The following RNF217 variants were observed in gnomAD, a reference collection of about 807,000 sequenced individuals.
RNF217 encodes the protein E3 ubiquitin-protein ligase RNF217.
RNF217 carries 31 observed loss-of-function variants against 57.8 expected under a neutral mutation model. The ratio of observed to expected loss-of-function variants is 0.54; its 90% confidence interval spans 0.40 to 0.72. The LOEUF is 0.72. Ranked by LOEUF, RNF217 falls within the 30% of genes least tolerant of loss-of-function variation. The pLI is 0.00. For synonymous variants in RNF217, 313 were observed against 294.0 expected (o/e 1.06, Z -0.66); for missense variants, 696 against 708.3 (o/e 0.98, Z 0.20).
At position 125,090,829 on chromosome 6, in the gene RNF217, A is replaced by G. The variant is rs1409004340; in HGVS notation, c.*7892A>G. On this transcript the variant is annotated 3_prime_UTR_variant, in exon 6 of 6. Coordinates refer to ENST00000521654, the MANE Select transcript of RNF217 (RefSeq NM_001286398.3). Reference sequence around the variant, plus strand: ...AATGATATTGGAAAATATTTATGCAATTTTATTTTTTAACCTTTTCTCCAT... The same window carrying G: ...AATGATATTGGAAAATATTTATGCAGTTTTATTTTTTAACCTTTTCTCCAT... The G allele has an allele frequency of 1.3e-5, 2 of 151,936 alleles. No homozygotes were observed. Among genetic ancestry groups the G allele is most frequent in the East Asian group, 1.9e-4 (1 of 5,192 alleles). The allele number at this position is 151,936 out of a possible 1,614,324, so 9.4% of individuals were successfully genotyped here. A position where few individuals can be genotyped will look rare whatever the true frequency, so the allele number is the denominator to read the frequency against.
At chr6:125,070,320 G>A (rs913862560) in intron 3 of RNF217, among the ~76,000 whole-genome samples, 3 of 152,046 alleles carry the variant, frequency 2.0e-5, no homozygotes, top group African/African-American at 4.8e-5. Flanking sequence ...AAACATGTGC[G>A]TGCACATGTA....
intron 5 of RNF217, chr6:125,082,570 A>T: frequency 6.2e-7 from 1 of 1,609,636 alleles, no homozygotes; most frequent in Non-Finnish European, 8.5e-7. Flanking sequence ...AAGTGTGAGT[A>T]TCATAGTGTG....
At chr6:125,032,757 T>TA (rs1374311955) in intron 1 of RNF217, among the ~76,000 whole-genome samples, 7 of 152,130 alleles carry the variant, frequency 4.6e-5, no homozygotes, top group Admixed American at 4.6e-4. Flanking sequence ...ATTAAAAATT[T>TA]AAAAATTTGC....
At chr6:125,075,630 C>A (rs1417912012) in intron 3 of RNF217, among the ~76,000 whole-genome samples, 2 of 152,090 alleles carry the variant, frequency 1.3e-5, no homozygotes, top group African/African-American at 4.8e-5. Flanking sequence ...GGGATTGTTA[C>A]AATTCAAGGT....
intron 1 of RNF217, among the ~76,000 whole-genome samples, chr6:124,979,052 G>T (rs1479252306): frequency 1.3e-5 from 2 of 152,124 alleles, no homozygotes; most frequent in African/African-American, 4.8e-5. Context: ...TAGAGAGAGA[G>T]AGTGTAAGAT....
chr6:124,973,585 A>C (rs2114995420), intron 1 of RNF217, among the ~76,000 whole-genome samples: 1 of 152,352 alleles, frequency 6.6e-6, no homozygotes, highest in Non-Finnish European at 1.5e-5. Context: ...TGCTATAAAA[A>C]GTAAGGTAAC....
chr6:125,058,167 T>C, intron 3 of RNF217, 61 bp downstream of exon 3: 2 of 1,399,660 alleles, frequency 1.4e-6, no homozygotes, highest in South Asian at 3.1e-5. Flanking sequence ...CTGAACAATA[T>C]TTACATTATT....
chr6:125,061,159 T>G (rs1787718282), intron 3 of RNF217, among the ~76,000 whole-genome samples: 1 of 152,080 alleles, frequency 6.6e-6, no homozygotes, highest in African/African-American at 2.4e-5. Context: ...TTTTCCATAT[T>G]TTATACCTTT....
At chr6:124,986,100 G>A (rs1004455896) in intron 1 of RNF217, among the ~76,000 whole-genome samples, 1 of 152,138 alleles carries the variant, frequency 6.6e-6, no homozygotes, top group African/African-American at 2.4e-5. Context: ...CACAAAGGTA[G>A]AAATGATCTT....
At chr6:125,024,493 G>A (rs544377060) in intron 1 of RNF217, among the ~76,000 whole-genome samples, 4 of 152,066 alleles carry the variant, frequency 2.6e-5, no homozygotes, top group African/African-American at 7.2e-5. Context: ...TGAGGCAGGC[G>A]GATCACCTGA....
intron 1 of RNF217, chr6:125,009,524 T>A: frequency 2.5e-6 from 1 of 402,566 alleles, no homozygotes; most frequent in Non-Finnish European, 4.4e-6. Context: ...TATATCAATG[T>A]ACTCATTTAT....
intron 1 of RNF217, among the ~76,000 whole-genome samples, chr6:124,978,512 C>T (rs80194656): frequency 3.3e-5 from 5 of 151,818 alleles, no homozygotes; most frequent in East Asian, 3.9e-4. Flanking sequence ...TTACAGTTCT[C>T]GCTTGTGGAG....
intron 5 of RNF217, chr6:125,082,493 A>T: frequency 6.2e-7 from 1 of 1,612,628 alleles, no homozygotes; most frequent in Non-Finnish European, 8.5e-7. Flanking sequence ...TGGTAGAACC[A>T]GGAATCAAAC....
At chr6:125,059,154 T>C (rs1043538556) in intron 3 of RNF217, among the ~76,000 whole-genome samples, 2 of 152,216 alleles carry the variant, frequency 1.3e-5, no homozygotes, top group Non-Finnish European at 2.9e-5. Flanking sequence ...AAAAGTATTG[T>C]ATGAAATAAC....
At chr6:124,965,681 G>C (rs1365688858) in intron 1 of RNF217, among the ~76,000 whole-genome samples, 1 of 152,160 alleles carries the variant, frequency 6.6e-6, no homozygotes, top group Non-Finnish European at 1.5e-5. Flanking sequence ...GGTTTTCCCT[G>C]TTCCAGGAAG....
At chr6:124,973,824 A>G (rs566521564) in intron 1 of RNF217, among the ~76,000 whole-genome samples, 1 of 152,330 alleles carries the variant, frequency 6.6e-6, no homozygotes, top group Non-Finnish European at 1.5e-5. Flanking sequence ...GGAACATAAA[A>G]AAAAAGAACG....
chr6:125,016,488 C>A (rs1045112533), intron 1 of RNF217, among the ~76,000 whole-genome samples: 1 of 152,264 alleles, frequency 6.6e-6, no homozygotes, highest in Admixed American at 6.5e-5. Context: ...TTAATGGTCC[C>A]TCCATTATTT....
chr6:125,076,362 G>T (rs1372788023), intron 3 of RNF217, among the ~76,000 whole-genome samples: 1 of 152,122 alleles, frequency 6.6e-6, no homozygotes, highest in Non-Finnish European at 1.5e-5. Context: ...GTTGAATTAG[G>T]TGTATGTCTG....
At chr6:125,030,526 A>C (rs1229256460) in intron 1 of RNF217, among the ~76,000 whole-genome samples, 1 of 152,186 alleles carries the variant, frequency 6.6e-6, no homozygotes, top group African/African-American at 2.4e-5. Context: ...ATTGGCCAAA[A>C]GGCCAAAACA....
Sources: gnomAD v4.1 joint callset for allele counts (sites outside exome capture counted in the v4.1 genomes callset) on GRCh38, gnomAD v4.1.1 for gene constraint, MANE v1.5 for transcripts, NCBI Gene and HGNC (gene_info 2026-07-23, HGNC 2026-07-21) for gene names.